DLG1: variants seen among roughly 807,000 people sequenced by gnomAD.
DLG1 encodes the protein disks large homolog 1.
In DLG1, 42 loss-of-function variants were observed where a neutral mutation model predicts 123.4. The ratio of observed to expected loss-of-function variants is 0.34; its 90% CI spans 0.27 to 0.44. The LOEUF is 0.44. Among genes scored for constraint, DLG1 ranks in the 20% least tolerant of loss-of-function variants. The pLI, the probability that DLG1 is intolerant of heterozygous loss-of-function variation, is 1.00. For synonymous variants in DLG1, 317 were observed against 356.2 expected, an observed-to-expected ratio of 0.89 and a Z score of 1.24; for missense variants, 942 against 1,082.6, an observed-to-expected ratio of 0.87 and a Z score of 1.82.
At chr3:197,046,327 T>C (rs1723029649) in intron 24 of DLG1, among the ~76,000 whole-genome samples, 1 of 151,990 alleles carries the variant, frequency 6.6e-6, no homozygotes, top group Non-Finnish European at 1.5e-5. Context: ...TTTGCTTACT[T>C]TGTAAATTCA....
At chr3:197,136,408 T>G in intron 10 of DLG1, 134 bp downstream of exon 10, 1 of 630,368 alleles carries the variant, frequency 1.6e-6, no homozygotes, top group Non-Finnish European at 2.7e-6. Context: ...TTTTTAGGAT[T>G]TGATACAGCA....
intron 4 of DLG1, among the ~76,000 whole-genome samples, chr3:197,248,179 T>G (rs1752679823): frequency 6.6e-6 from 1 of 152,202 alleles, no homozygotes; most frequent in South Asian, 2.1e-4. Context: ...CCTTGGTATG[T>G]TCTGACCAAG....
intron 4 of DLG1, among the ~76,000 whole-genome samples, chr3:197,209,609 C>T (rs1477337463): frequency 6.8e-6 from 1 of 146,486 alleles, no homozygotes; most frequent in Non-Finnish European, 1.5e-5. Context: ...CAATACAGAC[C>T]ATATGCTAGG....
intron 4 of DLG1, among the ~76,000 whole-genome samples, chr3:197,199,724 T>C (rs1422472978): frequency 6.6e-6 from 1 of 152,142 alleles, no homozygotes; most frequent in Non-Finnish European, 1.5e-5. Context: ...ATCTAAAGGT[T>C]TATCTCAGCC....
intron 13 of DLG1, among the ~76,000 whole-genome samples, chr3:197,109,548 C>A (rs1477060848): frequency 6.6e-6 from 1 of 152,096 alleles, no homozygotes; most frequent in Non-Finnish European, 1.5e-5. Flanking sequence ...TAAAACAATA[C>A]CCTTATGTTG....
At chr3:197,210,477 A>G (rs907580301) in intron 4 of DLG1, among the ~76,000 whole-genome samples, 1 of 144,388 alleles carries the variant, frequency 6.9e-6, no homozygotes, top group African/African-American at 2.4e-5. Context: ...AGATCTTATA[A>G]AGATAATAAA....
chr3:197,185,317 C>T lies in DLG1; in HGVS notation c.483+9108G>A, dbSNP rs570823631. Among the ~76,000 whole-genome samples, 60 of 152,258 alleles carry T rather than the reference C, an allele frequency of 3.9e-4. No homozygotes were observed. The South Asian group carries it at 0.01, about 26-fold the overall frequency. On this transcript the variant is annotated intron_variant, in intron 5 of 24. Coordinates refer to ENST00000667157, the MANE Select transcript of DLG1 (RefSeq NM_001366207.1). ...TGAGGTCCACTGCAAATCTTGACTC[C>T]GCAAGAAAACATGCTAATGCTGTCT... is the stretch of plus-strand genomic sequence containing the variant.
At chr3:197,219,821 G>C (rs1220179006) in intron 4 of DLG1, among the ~76,000 whole-genome samples, 1 of 152,110 alleles carries the variant, frequency 6.6e-6, no homozygotes, top group Non-Finnish European at 1.5e-5. Flanking sequence ...GGCCTCAGGG[G>C]AAATCTCACC....
At chr3:197,250,384 A>G (rs575426476) in intron 4 of DLG1, among the ~76,000 whole-genome samples, 159 of 152,222 alleles carry the variant, frequency 1.0e-3, no homozygotes, top group African/African-American at 3.6e-3. Context: ...CCTGGCCAAC[A>G]TTGTGAAACC....
In DLG1 at chr3:197,297,183, C is replaced by T. The variant is rs1026349719; in HGVS notation, c.19+3G>A. The T allele has an allele frequency of 1.9e-6, 3 of 1,614,140 alleles. No homozygotes were observed. Among genetic ancestry groups the T allele is most frequent in the Non-Finnish European group, 2.5e-6 (3 of 1,180,024 alleles). On this transcript the variant is annotated splice_donor_region_variant and intron_variant, in intron 2 of 24. Coordinates refer to ENST00000667157, the MANE Select transcript of DLG1 (RefSeq NM_001366207.1). Reference sequence around the variant, plus strand: ...ACAACAGAGTTACGGAATAAACTCTCACCTTGCTTCCGGACCGGCATTTTT... The same window carrying T: ...ACAACAGAGTTACGGAATAAACTCTTACCTTGCTTCCGGACCGGCATTTTT...
At chr3:197,269,462 T>TA (rs1763021933) in intron 4 of DLG1, among the ~76,000 whole-genome samples, 1 of 152,250 alleles carries the variant, frequency 6.6e-6, no homozygotes, top group Admixed American at 6.5e-5. Context: ...CTATTAAAAT[T>TA]AGTTCTTTCT....
At chr3:197,081,955 T>C (rs1751389564) in intron 16 of DLG1, among the ~76,000 whole-genome samples, 1 of 152,262 alleles carries the variant, frequency 6.6e-6, no homozygotes. Context: ...ATAGCAATTA[T>C]GTTAGCATAT....
chr3:197,230,396 C>T (rs962899643), intron 4 of DLG1, among the ~76,000 whole-genome samples: 4 of 152,146 alleles, frequency 2.6e-5, no homozygotes, highest in African/African-American at 7.2e-5. Context: ...CAACACCCAA[C>T]CAAACTCCTT....
intron 17 of DLG1, chr3:197,080,803 A>G (rs1750693907): frequency 3.1e-6 from 1 of 325,648 alleles, no homozygotes; most frequent in Non-Finnish European, 5.6e-6. Flanking sequence ...TGAAGGTCAA[A>G]TACATTTCAT....
Position 197,060,023 on chromosome 3 carries a change from AAAAC to A in DLG1, c.2374-29_2374-26del, listed in dbSNP as rs1384789600. 3.2e-6 allele frequency: 5 copies of A among 1,552,520 alleles called. 1 individual carries two copies. The South Asian group carries it at 5.7e-5, about 18-fold the overall frequency. On this transcript the variant is annotated intron_variant, in intron 22 of 24. Coordinates refer to ENST00000667157, the MANE Select transcript of DLG1 (RefSeq NM_001366207.1). ...CCTAAAATAAAGGGAACAAAGAAAA[AAAAC>A]AAGTGAGCCAAATATTCTCAATAAT... is the stretch of plus-strand genomic sequence containing the variant.
intron 5 of DLG1, among the ~76,000 whole-genome samples, chr3:197,152,514 C>T (rs1045338685): frequency 6.8e-6 from 1 of 147,766 alleles, no homozygotes; most frequent in Non-Finnish European, 1.5e-5. Flanking sequence ...CGGTGGCTCA[C>T]GCCTGTAATC....
chr3:197,119,020 C>T (rs1560805987), intron 12 of DLG1, among the ~76,000 whole-genome samples: 1 of 151,956 alleles, frequency 6.6e-6, no homozygotes, highest in Non-Finnish European at 1.5e-5. Flanking sequence ...CAAACCAAAC[C>T]ACCACTTATT....
chr3:197,134,399 C>G (rs1784100018), intron 10 of DLG1, among the ~76,000 whole-genome samples: 1 of 141,716 alleles, frequency 7.1e-6, no homozygotes, highest in South Asian at 2.2e-4. Context: ...AATCCCATGA[C>G]AGTCAAGTAA....
At chr3:197,173,438 G>A (rs1328052566) in intron 5 of DLG1, among the ~76,000 whole-genome samples, 5 of 152,086 alleles carry the variant, frequency 3.3e-5, no homozygotes, top group African/African-American at 4.8e-5. Flanking sequence ...GACAGACTCC[G>A]CATGGAGGTA....
Sources: allele counts gnomAD v4.1 joint callset (sites outside exome capture counted in the v4.1 genomes callset), GRCh38; gene constraint gnomAD v4.1.1; transcripts MANE v1.5; gene names NCBI Gene and HGNC (gene_info 2026-07-23, HGNC 2026-07-21).